SHOX: variants seen among roughly 807,000 people sequenced by gnomAD.
SHOX encodes the protein short stature homeobox protein.
SHOX carries 12 observed loss-of-function variants against 29.6 expected under a neutral mutation model. The observed-to-expected ratio is 0.41, with a 90% CI of 0.26 to 0.66. SHOX has a LOEUF of 0.66. Among genes scored for constraint, SHOX ranks in the 30% least tolerant of loss-of-function variants. The probability of loss-of-function intolerance (pLI) is 0.35; values close to 1 mark genes in which losing one functional copy is unlikely to be tolerated. For missense variants in SHOX, 499 were observed against 437.7 expected, an observed-to-expected ratio of 1.14 and a Z score of -1.25; for synonymous variants, 214 against 200.6, an observed-to-expected ratio of 1.07 and a Z score of -0.57.
intron 4 of SHOX, among the ~76,000 whole-genome samples, chrX:641,840 G>A (rs749253439): frequency 2.0e-5 from 3 of 152,268 alleles, no homozygotes; most frequent in East Asian, 3.9e-4. Context: ...TAAGAAGGGC[G>A]CAGATGCCTG....
downstream of SHOX, among the ~76,000 whole-genome samples, chrX:652,340 A>ATTTTTTTTTT (rs746162755): frequency 1.5e-5 from 2 of 135,158 alleles, no homozygotes; most frequent in African/African-American, 2.8e-5. Flanking sequence ...AAAATGACAA[A>ATTTTTTTTTT]TTTTTTTTTT....
At chrX:637,807 G>T in intron 2 of SHOX, among the ~76,000 whole-genome samples, 1 of 152,138 alleles carries the variant, frequency 6.6e-6, no homozygotes, top group Non-Finnish European at 1.5e-5. Flanking sequence ...CCCGTCCCGT[G>T]CTGTGACCGG....
chrX:637,165 G>A (rs1198716550), intron 2 of SHOX, among the ~76,000 whole-genome samples: 3 of 151,900 alleles, frequency 2.0e-5, no homozygotes, highest in Non-Finnish European at 1.5e-5. Context: ...GGCGTCTGTG[G>A]CCTCAGTGAG....
intron 4 of SHOX, among the ~76,000 whole-genome samples, chrX:644,127 C>T (rs1435030350): frequency 2.0e-5 from 3 of 152,130 alleles, no homozygotes; most frequent in Non-Finnish European, 2.9e-5. Context: ...GAGGGCGTTC[C>T]ATTTGTGGAC....
Position 650,335 on chromosome X carries a change from C to T in SHOX, c.*5699C>T, listed in dbSNP as rs1232446391. On this transcript the variant is annotated 3_prime_UTR_variant, in exon 5 of 5. Coordinates refer to ENST00000686671, the MANE Select transcript of SHOX (RefSeq NM_000451.4). ...TGTCGTAGGAATGGCCTCTCCATCC[C>T]GCCAAAGTCCAGCCAGGCCCCCGAA... Among the ~76,000 whole-genome samples the T allele has an allele frequency of 6.6e-6, 1 of 151,790 alleles. No individual in the cohort carries two copies. The highest frequency in any genetic ancestry group is 1.5e-5 in the Non-Finnish European group (1 of 67,946).
upstream of SHOX, chrX:630,556 C>T (rs1603283769): frequency 2.2e-6 from 1 of 448,692 alleles, no homozygotes; most frequent in Non-Finnish European, 4.1e-6. Flanking sequence ...CTCCTGCGCG[C>T]GCGCTCTCCC....
At position 624,926 on chromosome X, in the gene SHOX, CTTTCT is replaced by C. The variant is rs1294862956; in HGVS notation, c.-433+332_-433+336del. Among the ~76,000 whole-genome samples, 78 of 68,218 alleles carry C rather than the reference CTTTCT, an allele frequency of 1.1e-3. 4 individuals are homozygous for C. Among genetic ancestry groups the C allele is most frequent in the South Asian group, 9.7e-3 (17 of 1,750 alleles). 44.8% of individuals were successfully genotyped at this position (68,218 alleles called of 152,430 possible). A position where few individuals can be genotyped will look rare whatever the true frequency, so the allele number is the denominator to read the frequency against. ...TCTCTCTTCCTTTCTTTCTTTCTTT[CTTTCT>C]TTTCTTTCTTTCACTTGGCAAGATT... is the stretch of plus-strand genomic sequence containing the variant. On this transcript the variant is annotated intron_variant, in intron 1 of 5. Coordinates refer to the SHOX transcript ENST00000334060.
intron 4 of SHOX, among the ~76,000 whole-genome samples, chrX:641,460 AG>A (rs1417863648): frequency 3.3e-5 from 5 of 152,086 alleles, no homozygotes; most frequent in Non-Finnish European, 5.9e-5. Flanking sequence ...AGGCCGAGGC[AG>A]GTGGATCACC....
chrX:639,585 C>G (rs987613229), intron 2 of SHOX, among the ~76,000 whole-genome samples: 1 of 152,244 alleles, frequency 6.6e-6, no homozygotes, highest in African/African-American at 2.4e-5. Context: ...GGCGGGGCGC[C>G]CACACAGAAC....
exon 6 of SHOX, chrX:658,879 C>G (rs1285712247): frequency 5.5e-5 from 19 of 347,152 alleles, no homozygotes; most frequent in Non-Finnish European, 9.9e-5. Context: ...ATTCTCCTGC[C>G]TCAGCCTCCC....
At chrX:625,794 CCT>C (rs1474090301), upstream of SHOX, among the ~76,000 whole-genome samples, 4 of 135,510 alleles carry the variant, frequency 3.0e-5, no homozygotes, top group African/African-American at 8.4e-5. Flanking sequence ...CTCTTTCTCT[CCT>C]CTCTCTGTGT....
rs191797223 is a variant in SHOX at position 648,486 on chromosome X, C to A, written c.*3850C>A. 1.3e-5 allele frequency among the ~76,000 whole-genome samples: 2 copies of A among 152,230 alleles called. No individual in the cohort carries two copies. The highest frequency in any genetic ancestry group is 2.9e-5 in the Non-Finnish European group (2 of 68,046). On this transcript the variant is annotated 3_prime_UTR_variant, in exon 5 of 5. Transcript: ENST00000686671. The stretch of plus-strand genomic sequence containing the variant: ...AGGTTGACCTGCCCGCTTTGTCCCT[C>A]GCAAAGTGCTGGGATTACAGGCGTG...
At chrX:657,581 C>T (rs1395200840) in intron 5 of SHOX, among the ~76,000 whole-genome samples, 1 of 152,122 alleles carries the variant, frequency 6.6e-6, no homozygotes, top group Non-Finnish European at 1.5e-5. Flanking sequence ...GGTGAATTAA[C>T]AGGATGTATG....
chrX:656,655 C>A (rs1345961587), intron 5 of SHOX, among the ~76,000 whole-genome samples: 2 of 152,086 alleles, frequency 1.3e-5, no homozygotes, highest in Non-Finnish European at 2.9e-5. Flanking sequence ...TCCTGGCTAA[C>A]ACGGTGAAAC....
At position 648,804 on chromosome X, in the gene SHOX, C is replaced by T. The variant is rs1196675856; in HGVS notation, c.*4168C>T. Among the ~76,000 whole-genome samples the T allele has an allele frequency of 6.6e-6, 1 of 151,988 alleles. No homozygotes were observed. Among genetic ancestry groups the T allele is most frequent in the African/African-American group, 2.4e-5 (1 of 41,382 alleles). ...GTGTATGCTAGCTGCTTCTTTCTCC[C>T]TGAAACTCTCGGATGGAAGGAAGTA... On this transcript the variant is annotated 3_prime_UTR_variant, in exon 5 of 5. Coordinates refer to ENST00000686671, the MANE Select transcript of SHOX (RefSeq NM_000451.4).
downstream of SHOX, among the ~76,000 whole-genome samples, chrX:652,440 A>G (rs1203379261): frequency 6.6e-6 from 1 of 151,250 alleles, no homozygotes; most frequent in Non-Finnish European, 1.5e-5. Flanking sequence ...GTGATAAAAA[A>G]CACATGTGAG....
chrX:639,283 C>T (rs1245695595), intron 2 of SHOX, among the ~76,000 whole-genome samples: 3 of 152,186 alleles, frequency 2.0e-5, no homozygotes, highest in Admixed American at 6.5e-5. Context: ...TATCCTTGGG[C>T]GTCCTCATGA....
intron 2 of SHOX, among the ~76,000 whole-genome samples, chrX:639,695 G>C (rs2052816176): frequency 6.6e-6 from 1 of 152,256 alleles, no homozygotes; most frequent in Non-Finnish European, 1.5e-5. Flanking sequence ...GCAGGGCACG[G>C]ATGATTTAAC....
chrX:635,637 G>A (rs1282215816), intron 2 of SHOX, among the ~76,000 whole-genome samples: 4 of 152,184 alleles, frequency 2.6e-5, no homozygotes, highest in Non-Finnish European at 5.9e-5. Context: ...ACCAGGCACT[G>A]GGGGGCGGAG....
Sources: allele counts gnomAD v4.1 joint callset (sites outside exome capture counted in the v4.1 genomes callset), GRCh38; gene constraint gnomAD v4.1.1; transcripts MANE v1.5; gene names NCBI Gene and HGNC (gene_info 2026-07-23, HGNC 2026-07-21).